Variants in ANKFN1 observed in about 807,000 individuals in gnomAD.
ANKFN1 encodes the protein ankyrin repeat and fibronectin type-III domain-containing protein 1.
In ANKFN1, 74 loss-of-function variants were observed where a neutral mutation model predicts 108.7. The observed-to-expected ratio is 0.68, with a 90% CI of 0.56 to 0.83. The LOEUF (loss-of-function observed/expected upper bound fraction) is 0.83. ANKFN1 is among the 40% of genes least tolerant of loss of function. ANKFN1 has a pLI of 0.00. For synonymous variants in ANKFN1, 547 were observed against 516.2 expected, an observed-to-expected ratio of 1.06 and a Z score of -0.81; for missense variants, 1,505 against 1,382.3, an observed-to-expected ratio of 1.09 and a Z score of -1.41.
chr17:56,179,268 C>T (rs1911455685), intron 1 of ANKFN1, among the ~76,000 whole-genome samples: 1 of 152,180 alleles, frequency 6.6e-6, no homozygotes, highest in Non-Finnish European at 1.5e-5. Context: ...TAGAGAGACT[C>T]CCTGTTAACA....
At chr17:56,305,145 C>A (rs2044784081) in intron 3 of ANKFN1, among the ~76,000 whole-genome samples, 1 of 152,100 alleles carries the variant, frequency 6.6e-6, no homozygotes, top group African/African-American at 2.4e-5. Flanking sequence ...AAGTGCCAAG[C>A]AAAAGAGGGA....
intron 15 of ANKFN1, among the ~76,000 whole-genome samples, chr17:56,467,922 T>C (rs570551572): frequency 1.3e-5 from 2 of 152,288 alleles, no homozygotes; most frequent in African/African-American, 4.8e-5. Flanking sequence ...AGAGGCAATT[T>C]AGTGAAGCTA....
intron 4 of ANKFN1, among the ~76,000 whole-genome samples, chr17:56,074,014 G>A (rs182274309): frequency 2.2e-4 from 33 of 152,300 alleles, no homozygotes; most frequent in African/African-American, 7.5e-4. Context: ...TATATACCTA[G>A]GAGTAGAATT....
chr17:56,293,199 C>T (rs1297965130), intron 3 of ANKFN1, among the ~76,000 whole-genome samples: 1 of 152,164 alleles, frequency 6.6e-6, no homozygotes, highest in Non-Finnish European at 1.5e-5. Flanking sequence ...TTCATCTGGT[C>T]ATTCATTCAT....
At chr17:56,364,609 C>T (rs1163203724) in intron 6 of ANKFN1, among the ~76,000 whole-genome samples, 3 of 152,232 alleles carry the variant, frequency 2.0e-5, no homozygotes, top group African/African-American at 7.2e-5. Context: ...ACTCAAGTGG[C>T]TTGCATGTTG....
chr17:56,287,737 G>A (rs1332960792), intron 3 of ANKFN1, among the ~76,000 whole-genome samples: 2 of 152,156 alleles, frequency 1.3e-5, no homozygotes, highest in Non-Finnish European at 2.9e-5. Flanking sequence ...GTTTGTAAAT[G>A]AAACCTTAAA....
At chr17:56,257,474 C>T (rs529228062) in intron 3 of ANKFN1, among the ~76,000 whole-genome samples, 1 of 152,344 alleles carries the variant, frequency 6.6e-6, no homozygotes, top group African/African-American at 2.4e-5. Flanking sequence ...GCAAATCTCA[C>T]AGGCTCAGGC....
At chr17:56,483,895 G>A (rs2050783047) in intron 18 of ANKFN1, among the ~76,000 whole-genome samples, 1 of 152,190 alleles carries the variant, frequency 6.6e-6, no homozygotes, top group Non-Finnish European at 1.5e-5. Flanking sequence ...CTTTCTTATG[G>A]TGGCAGGAGT....
intron 10 of ANKFN1, among the ~76,000 whole-genome samples, chr17:56,445,572 A>G (rs564380106): frequency 7.2e-5 from 11 of 152,342 alleles, no homozygotes; most frequent in Admixed American, 1.3e-4. Flanking sequence ...CTTGGAAGGA[A>G]CAATATAAAA....
intron 4 of ANKFN1, among the ~76,000 whole-genome samples, chr17:56,049,240 C>T (rs894765006): frequency 2.0e-5 from 3 of 152,112 alleles, no homozygotes; most frequent in Non-Finnish European, 2.9e-5. Flanking sequence ...CTCTTTTATT[C>T]ATTCGCTAAT....
intron 3 of ANKFN1, among the ~76,000 whole-genome samples, chr17:56,283,859 A>G (rs148939236): frequency 6.6e-6 from 1 of 152,284 alleles, no homozygotes; most frequent in African/African-American, 2.4e-5. Context: ...CATGTAACCA[A>G]ATACCACCAG....
chr17:56,149,338 A>T (rs1260424720), upstream of ANKFN1, among the ~76,000 whole-genome samples: 1 of 152,170 alleles, frequency 6.6e-6, no homozygotes, highest in East Asian at 1.9e-4. Flanking sequence ...TGGCTGTAGA[A>T]ATAGAAAATG....
chr17:56,103,189 G>T (rs1255671409), intron 4 of ANKFN1, among the ~76,000 whole-genome samples: 1 of 152,134 alleles, frequency 6.6e-6, no homozygotes, highest in Non-Finnish European at 1.5e-5. Context: ...TTCAGGTAAT[G>T]AGCGACATGA....
At chr17:56,251,482 G>T (rs1315068457) in intron 3 of ANKFN1, among the ~76,000 whole-genome samples, 2 of 152,154 alleles carry the variant, frequency 1.3e-5, no homozygotes, top group Non-Finnish European at 2.9e-5. Context: ...CCTCTGTTTG[G>T]GGCAGGTTTT....
chr17:56,106,112 A>G (rs144159662), intron 4 of ANKFN1, among the ~76,000 whole-genome samples: 24 of 152,268 alleles, frequency 1.6e-4, no homozygotes, highest in African/African-American at 5.5e-4. Context: ...TCTAAATACT[A>G]TAATATATAT....
At chr17:56,406,612 T>C (rs1241664636) in intron 8 of ANKFN1, among the ~76,000 whole-genome samples, 2 of 152,186 alleles carry the variant, frequency 1.3e-5, no homozygotes, top group Non-Finnish European at 2.9e-5. Context: ...ATGCAGTTAA[T>C]TTCTACGTTA....
At chr17:56,372,397 T>C (rs1324600311) in intron 6 of ANKFN1, among the ~76,000 whole-genome samples, 2 of 152,164 alleles carry the variant, frequency 1.3e-5, no homozygotes, top group Non-Finnish European at 2.9e-5. Context: ...CTAAGTGAGG[T>C]ATGTGTTACA....
intron 3 of ANKFN1, among the ~76,000 whole-genome samples, chr17:56,254,586 C>G (rs1483469045): frequency 6.6e-6 from 1 of 152,208 alleles, no homozygotes; most frequent in Non-Finnish European, 1.5e-5. Context: ...CATGCTGATT[C>G]TCTGAAAGAA....
chr17:56,126,387 T>G (rs951040324), intron 4 of ANKFN1, among the ~76,000 whole-genome samples: 2 of 152,182 alleles, frequency 1.3e-5, no homozygotes, highest in African/African-American at 4.8e-5. Flanking sequence ...AGAGATGCTT[T>G]TCTCCCCCTT....
Sources: allele counts gnomAD v4.1 joint callset (sites outside exome capture counted in the v4.1 genomes callset), GRCh38; gene constraint gnomAD v4.1.1; transcripts MANE v1.5; gene names NCBI Gene and HGNC (gene_info 2026-07-23, HGNC 2026-07-21).